The following ZNF451 variants were observed in gnomAD, a reference collection of about 807,000 sequenced individuals.
ZNF451 encodes the protein zinc finger protein 451, also known as E3 SUMO-protein ligase ZNF451.
A neutral mutation model predicts 107.1 loss-of-function variants in ZNF451; 80 were observed. That is an observed-to-expected ratio of 0.75 (90% CI 0.62 to 0.90). The LOEUF (loss-of-function observed/expected upper bound fraction) is 0.90, where lower values mean the gene tolerates loss of function less well. Among genes scored for constraint, ZNF451 ranks in the 40% least tolerant of loss-of-function variants. ZNF451 has a pLI of 0.00. For synonymous variants in ZNF451, 362 were observed against 406.5 expected, an observed-to-expected ratio of 0.89 and a Z score of 1.32; for missense variants, 1,107 against 1,236.2, an observed-to-expected ratio of 0.90 and a Z score of 1.57.
intron 14 of ZNF451, among the ~76,000 whole-genome samples, chr6:57,163,063 C>A (rs992927502): frequency 6.6e-6 from 1 of 152,132 alleles, no homozygotes; most frequent in African/African-American, 2.4e-5. Flanking sequence ...TATGGTGGTT[C>A]ACTTAAGTTA....
At chr6:57,101,780 A>G (rs1829609111) in intron 3 of ZNF451, 8 of 1,550,480 alleles carry the variant, frequency 5.2e-6, no homozygotes, top group Non-Finnish European at 5.2e-6. Flanking sequence ...GCCATAGACT[A>G]TAGACGGCAG....
At chr6:57,111,162 C>T (rs1830089421) in intron 3 of ZNF451, among the ~76,000 whole-genome samples, 1 of 152,128 alleles carries the variant, frequency 6.6e-6, no homozygotes, top group African/African-American at 2.4e-5. Context: ...CTCAAGTGAT[C>T]TGCCCACTTT....
intron 3 of ZNF451, among the ~76,000 whole-genome samples, chr6:57,113,707 C>T (rs1395653666): frequency 1.3e-5 from 2 of 151,326 alleles, no homozygotes; most frequent in Non-Finnish European, 2.9e-5. Flanking sequence ...CTGCAAGCTC[C>T]ACCTCCCGGG....
Position 57,148,105 on chromosome 6 carries a change from C to A in ZNF451, c.2020C>A (p.Leu674Ile), listed in dbSNP as rs1832165810. The change falls in exon 10 of 15, where the codon CTT becomes ATT. Residue 674 changes from leucine (L) to isoleucine (I), a missense_variant. This residue lies in a region of ZNF451 where 608 missense variants were observed against 649.2 expected (regional missense o/e 0.94). Coordinates refer to ENST00000370706, the MANE Select transcript of ZNF451 (RefSeq NM_001031623.3). ...KIKYFCGLCD[L>I]IFNVEEAFLS... The stretch of plus-strand genomic sequence containing the variant: ...TAAATACTTCTGTGGGCTTTGTGAT[C>A]TTATCTTTAATGTGGAAGAAGCATT... The A allele has an allele frequency of 6.2e-7, 1 of 1,613,850 alleles. No homozygotes were observed. Among genetic ancestry groups the A allele is most frequent in the African/African-American group, 1.3e-5 (1 of 74,904 alleles).
At chr6:57,100,047 C>T (rs1829519304) in intron 3 of ZNF451, among the ~76,000 whole-genome samples, 1 of 152,148 alleles carries the variant, frequency 6.6e-6, no homozygotes, top group South Asian at 2.1e-4. Flanking sequence ...ATTATAACTT[C>T]TTATAACTAC....
intron 9 of ZNF451, among the ~76,000 whole-genome samples, chr6:57,146,670 T>A (rs1446174274): frequency 6.6e-6 from 1 of 152,148 alleles, no homozygotes; most frequent in Admixed American, 6.6e-5. Flanking sequence ...TACCATAGCC[T>A]TATAGTATCA....
chr6:57,108,993 T>C, intron 3 of ZNF451: 2 of 985,438 alleles, frequency 2.0e-6, no homozygotes, highest in Non-Finnish European at 2.4e-6. Context: ...GTTTTACTTC[T>C]ATGGTAAACT....
chr6:57,114,423 G>A (rs1830266775), intron 3 of ZNF451, among the ~76,000 whole-genome samples: 1 of 152,094 alleles, frequency 6.6e-6, no homozygotes, highest in South Asian at 2.1e-4. Context: ...TTAGCTAAAT[G>A]TTTTTTGCTT....
chr6:57,168,310 A>G (rs917532358), intron 14 of ZNF451, 113 bp from the exon 15 acceptor site: 4 of 710,834 alleles, frequency 5.6e-6, no homozygotes, highest in Non-Finnish European at 9.2e-6. Context: ...GTGTTTTTCC[A>G]TTTTGATTTT....
At chr6:57,141,853 TACTC>T (rs1225607779) in intron 8 of ZNF451, 91 bp from the exon 9 acceptor site, 3 of 1,061,290 alleles carry the variant, frequency 2.8e-6, no homozygotes, top group South Asian at 1.8e-5. Context: ...TTCTTTTACT[TACTC>T]CAACTAATGT....
At chr6:57,103,828 A>G in intron 3 of ZNF451, 1 of 985,300 alleles carries the variant, frequency 1.0e-6, no homozygotes, top group Non-Finnish European at 1.2e-6. Context: ...ACTTTTTAAT[A>G]ATCTATTGGA....
At chr6:57,101,274 A>G (rs1289569527) in intron 3 of ZNF451, 6 of 1,550,914 alleles carry the variant, frequency 3.9e-6, no homozygotes, top group Non-Finnish European at 5.2e-6. Context: ...GTGAAGGGAA[A>G]CCTGATTGTG....
chr6:57,102,789 C>G, intron 3 of ZNF451: 1 of 985,460 alleles, frequency 1.0e-6, no homozygotes, highest in African/African-American at 1.7e-5. Flanking sequence ...AAAAAGACTT[C>G]TACCTGTAAC....
chr6:57,106,933 C>T (rs1007047148), intron 3 of ZNF451: 2 of 928,702 alleles, frequency 2.2e-6, no homozygotes, highest in African/African-American at 1.8e-5. Context: ...TTTTATAAAC[C>T]ATTAAAATAT....
chr6:57,104,692 C>T (rs1051097156), intron 3 of ZNF451: 17 of 985,074 alleles, frequency 1.7e-5, no homozygotes, highest in Admixed American at 6.2e-5. Flanking sequence ...TGCATTGTTG[C>T]GCAGCTCCTC....
intron 4 of ZNF451, among the ~76,000 whole-genome samples, chr6:57,125,884 T>C (rs1442050916): frequency 6.6e-6 from 1 of 152,136 alleles, no homozygotes; most frequent in African/African-American, 2.4e-5. Context: ...ATTATTTTTA[T>C]CCTGGCAGAA....
At position 57,142,131 on chromosome 6, in the gene ZNF451, T is replaced by C. The variant is rs201517665; in HGVS notation, c.1004+36T>C. ...GTCTGGAGCTGTAAAGGAATACGGATGAGTGTTTGCCAGTGAGAAGATTCA... is the reference window on the plus strand; with the variant it reads ...GTCTGGAGCTGTAAAGGAATACGGACGAGTGTTTGCCAGTGAGAAGATTCA... On this transcript the variant is annotated intron_variant, in intron 9 of 14. Transcript: ENST00000370706. 234 of 1,556,336 alleles carry C rather than the reference T, an allele frequency of 1.5e-4. 1 individual carries two copies. The African/African-American group carries it at 2.4e-3, about 16-fold the overall frequency.
intron 3 of ZNF451, chr6:57,107,234 C>G: frequency 3.0e-6 from 3 of 985,360 alleles, no homozygotes; most frequent in Non-Finnish European, 3.6e-6. Flanking sequence ...ACACCTCTTT[C>G]TGAAAGGATG....
intron 13 of ZNF451, chr6:57,154,327 T>C (rs1315699929): frequency 4.1e-6 from 2 of 486,592 alleles, no homozygotes; most frequent in Non-Finnish European, 7.2e-6. Flanking sequence ...TGTTACAGTA[T>C]GTTACTACAA....
Sources: gnomAD v4.1 joint callset for allele counts (sites outside exome capture counted in the v4.1 genomes callset) on GRCh38, gnomAD v4.1.1 for gene constraint, gnomAD v4.1.1 regional missense constraint, MANE v1.5 for transcripts, NCBI Gene and HGNC (gene_info 2026-07-23, HGNC 2026-07-21) for gene names.